WWC2: variants seen among roughly 807,000 people sequenced by gnomAD.
WWC2 encodes the protein WW and C2 domain containing 2.
WWC2 carries 101 observed loss-of-function variants against 138.5 expected under a neutral mutation model. The observed-to-expected ratio is 0.73, with a 90% CI of 0.62 to 0.86. The LOEUF (loss-of-function observed/expected upper bound fraction) is 0.86, where lower values mean the gene tolerates loss of function less well. WWC2 is among the 40% of genes least tolerant of loss of function. WWC2 has a pLI of 0.00. For synonymous variants in WWC2, 558 were observed against 538.4 expected (o/e 1.04, Z -0.50); for missense variants, 1,420 against 1,419.4 (o/e 1.00, Z -0.01).
intron 1 of WWC2, among the ~76,000 whole-genome samples, chr4:183,188,846 A>G (rs1734898941): frequency 6.6e-6 from 1 of 151,630 alleles, no homozygotes; most frequent in African/African-American, 2.4e-5. Context: ...GGGTTTCACC[A>G]AGTTGGCCAG....
intron 4 of WWC2, among the ~76,000 whole-genome samples, chr4:183,239,279 A>C (rs1439497099): frequency 6.6e-6 from 1 of 151,874 alleles, no homozygotes; most frequent in Non-Finnish European, 1.5e-5. Flanking sequence ...GCACCACCGC[A>C]CTCCAGCCTG....
At chr4:183,270,967 T>TA (rs1271542591) in intron 15 of WWC2, 113 bp from the exon 16 acceptor site, 2 of 995,914 alleles carry the variant, frequency 2.0e-6, no homozygotes, top group Non-Finnish European at 2.7e-6. Context: ...GTGTTTTTTT[T>TA]ACCCTAAAAC....
Position 183,265,117 on chromosome 4 carries a change from C to T in WWC2, c.2039+10C>T. The T allele has an allele frequency of 6.3e-7, 1 of 1,596,674 alleles. No individual in the cohort carries two copies. Among genetic ancestry groups the T allele is most frequent in the Non-Finnish European group, 8.5e-7 (1 of 1,171,596 alleles). ...AAGCTTTCGTGAAACAGTAAGGATT[C>T]AGCAGGGGCGCTTTTAGCTCCAGCG... On this transcript the variant is annotated intron_variant, in intron 12 of 22. Transcript: ENST00000403733.
intron 4 of WWC2, among the ~76,000 whole-genome samples, 173 bp from the exon 5 acceptor site, chr4:183,240,010 C>T (rs1014736740): frequency 6.6e-6 from 1 of 152,130 alleles, no homozygotes; most frequent in South Asian, 2.1e-4. Context: ...TTTTAAACAT[C>T]ATTAATATGC....
At chr4:183,305,515 G>T (rs1738997306) in intron 21 of WWC2, among the ~76,000 whole-genome samples, 1 of 128,152 alleles carries the variant, frequency 7.8e-6, no homozygotes, top group Admixed American at 7.4e-5. Context: ...GAAGCCAGAG[G>T]GGGAAAAAAG....
chr4:183,100,255 C>T (rs904222183), intron 1 of WWC2, among the ~76,000 whole-genome samples: 1 of 152,252 alleles, frequency 6.6e-6, no homozygotes, highest in Admixed American at 6.5e-5. Context: ...CTTGAACCGA[C>T]TCCCAGATCG....
chr4:183,118,010 G>A (rs983869276), intron 1 of WWC2, among the ~76,000 whole-genome samples: 3 of 151,780 alleles, frequency 2.0e-5, no homozygotes, highest in Non-Finnish European at 4.4e-5. Context: ...ATGTTGGCCA[G>A]GCTGGTCTTG....
chr4:183,198,289 T>C (rs1350802470), intron 2 of WWC2, among the ~76,000 whole-genome samples: 1 of 152,236 alleles, frequency 6.6e-6, no homozygotes, highest in East Asian at 1.9e-4. Flanking sequence ...TCTATGTTCA[T>C]ACAACCCAGA....
chr4:183,186,004 A>C (rs890135949), intron 1 of WWC2, among the ~76,000 whole-genome samples: 1 of 148,912 alleles, frequency 6.7e-6, no homozygotes, highest in African/African-American at 2.5e-5. Context: ...CTGGAGTGCA[A>C]TGGCGCAACC....
intron 22 of WWC2, among the ~76,000 whole-genome samples, chr4:183,312,787 T>C (rs1739304335): frequency 6.6e-6 from 1 of 152,178 alleles, no homozygotes; most frequent in Admixed American, 6.5e-5. Flanking sequence ...TTTTGTTCGC[T>C]CATTTTACAG....
chr4:183,121,669 A>C (rs995703669), intron 1 of WWC2, among the ~76,000 whole-genome samples: 1 of 152,108 alleles, frequency 6.6e-6, no homozygotes, highest in Non-Finnish European at 1.5e-5. Flanking sequence ...CAAACATTAT[A>C]TTTCAAAATA....
chr4:183,228,397 T>A lies in WWC2; in HGVS notation c.523-11786T>A, dbSNP rs530305049. On this transcript the variant is annotated intron_variant, in intron 4 of 22. Coordinates refer to ENST00000403733, the MANE Select transcript of WWC2 (RefSeq NM_024949.6). ...TAAAAATTAGTATAGAATAGGTAAA[T>A]ACACGTGGTTGACAAGCTTTATTTA... Among the ~76,000 whole-genome samples, 133 of 152,160 alleles carry A rather than the reference T, an allele frequency of 8.7e-4. 3 individuals are homozygous for A. Among genetic ancestry groups the A allele is most frequent in the African/African-American group, 3.1e-3 (129 of 41,436 alleles).
At chr4:183,128,181 A>T (rs1478553955) in intron 1 of WWC2, among the ~76,000 whole-genome samples, 1 of 152,116 alleles carries the variant, frequency 6.6e-6, no homozygotes, top group Admixed American at 6.5e-5. Flanking sequence ...TCTACTAAAA[A>T]TACAAATATT....
chr4:183,289,059 A>G (rs1329414201), intron 20 of WWC2, among the ~76,000 whole-genome samples: 1 of 152,222 alleles, frequency 6.6e-6, no homozygotes, highest in Non-Finnish European at 1.5e-5. Flanking sequence ...TTGCCTAGCT[A>G]CTGGTTCACT....
At chr4:183,215,326 A>T (rs1735725125) in intron 4 of WWC2, among the ~76,000 whole-genome samples, 1 of 152,234 alleles carries the variant, frequency 6.6e-6, no homozygotes, top group Non-Finnish European at 1.5e-5. Flanking sequence ...CCTAAACTGC[A>T]GAAAATGAAA....
intron 1 of WWC2, among the ~76,000 whole-genome samples, chr4:183,174,069 A>C (rs1446533441): frequency 6.6e-6 from 1 of 152,028 alleles, no homozygotes; most frequent in Admixed American, 6.5e-5. Context: ...TGTAAGCCCA[A>C]CTCCTGGGTT....
Position 183,260,938 on chromosome 4 carries a change from T to A in WWC2, c.1315T>A (p.Ser439Thr). The change falls in exon 11 of 23, where the codon TCT (serine) becomes ACT (threonine). Residue 439 changes from serine to threonine, a missense_variant. Transcript: ENST00000403733. ...SLSASTLSMS[S>T]GSSLGSLASS... ...CTCTGCCAGCACCCTGTCCATGTCATCTGGGAGCAGCCTGGGTTCCCTGGC... is the reference window on the plus strand; with the variant it reads ...CTCTGCCAGCACCCTGTCCATGTCAACTGGGAGCAGCCTGGGTTCCCTGGC... 1 of 1,613,906 alleles carries A rather than the reference T, an allele frequency of 6.2e-7. No individual in the cohort carries two copies. The highest frequency in any genetic ancestry group is 1.7e-5 in the Admixed American group (1 of 60,032).
At chr4:183,264,944 A>G (rs769748407) in intron 11 of WWC2, 34 bp from the exon 12 acceptor site, 4 of 1,590,812 alleles carry the variant, frequency 2.5e-6, no homozygotes, top group South Asian at 1.2e-5. Context: ...CAAATAAGAC[A>G]TTCTGATTAG....
chr4:183,268,469 A>C (rs1318531792), intron 14 of WWC2, among the ~76,000 whole-genome samples: 1 of 152,222 alleles, frequency 6.6e-6, no homozygotes, highest in African/African-American at 2.4e-5. Flanking sequence ...TTTTCTTAAC[A>C]ATATGCTACT....
Sources: gnomAD v4.1 joint callset for allele counts (sites outside exome capture counted in the v4.1 genomes callset) on GRCh38, gnomAD v4.1.1 for gene constraint, MANE v1.5 for transcripts, NCBI Gene and HGNC (gene_info 2026-07-23, HGNC 2026-07-21) for gene names.